Variants in SHISA9 observed in about 807,000 individuals in gnomAD.
SHISA9 encodes the protein protein shisa-9.
In SHISA9, 13 loss-of-function variants were observed where a neutral mutation model predicts 38.0. The observed-to-expected ratio is 0.34, with a 90% CI of 0.22 to 0.54. The LOEUF is 0.54. Among genes scored for constraint, SHISA9 ranks in the 20% least tolerant of loss-of-function variants. The probability of loss-of-function intolerance (pLI) is 0.91; values close to 1 mark genes in which losing one functional copy is unlikely to be tolerated. For missense variants in SHISA9, 538 were observed against 575.8 expected (o/e 0.93, Z 0.67); for synonymous variants, 275 against 242.0 (o/e 1.14, Z -1.27).
chr16:13,379,578 T>A, the SHISA9 span, among the ~76,000 whole-genome samples: 4 of 152,300 alleles, frequency 2.6e-5, no homozygotes, highest in South Asian at 8.3e-4. Context: ...CTATATTTTT[T>A]TAAATGTGAA....
At chr16:12,951,121 T>G (rs2071749297) in intron 2 of SHISA9, among the ~76,000 whole-genome samples, 1 of 141,400 alleles carries the variant, frequency 7.1e-6, no homozygotes, top group South Asian at 2.2e-4. Flanking sequence ...CTTGGGAGAC[T>G]GAGGCAGGAG....
chr16:13,277,980 C>A, the SHISA9 span, among the ~76,000 whole-genome samples: 3 of 151,966 alleles, frequency 2.0e-5, no homozygotes, highest in Non-Finnish European at 4.4e-5. Context: ...GAGTGGGCCT[C>A]CTTGTCTTGT....
the SHISA9 span, among the ~76,000 whole-genome samples, chr16:13,372,023 G>A: frequency 6.6e-6 from 1 of 152,172 alleles, no homozygotes; most frequent in African/African-American, 2.4e-5. Flanking sequence ...AGTTCCTCCA[G>A]AGCTCTTCCA....
At chr16:13,002,763 C>T (rs958541498) in intron 2 of SHISA9, among the ~76,000 whole-genome samples, 5 of 152,056 alleles carry the variant, frequency 3.3e-5, no homozygotes, top group Non-Finnish European at 7.4e-5. Flanking sequence ...GAACTCCCGA[C>T]CTCAGGTGAT....
At chr16:12,970,407 A>ATATGTG (rs1333374020) in intron 2 of SHISA9, among the ~76,000 whole-genome samples, 204 of 14,872 alleles carry the variant, frequency 0.014, 5 homozygotes, top group African/African-American at 0.042. Context: ...ATATATACAT[A>ATATGTG]TATATATATA....
At position 12,915,366 on chromosome 16, in the gene SHISA9, G is replaced by A. The variant is rs566826553; in HGVS notation, c.564-1322G>A. Among the ~76,000 whole-genome samples, 121 of 152,276 alleles carry A rather than the reference G, an allele frequency of 7.9e-4. 1 individual carries two copies. Among genetic ancestry groups the A allele is most frequent in the African/African-American group, 2.8e-3 (116 of 41,540 alleles). On this transcript the variant is annotated intron_variant, in intron 1 of 4. Coordinates refer to ENST00000558583, the MANE Select transcript of SHISA9 (RefSeq NM_001145204.3). ...GCCTGTGGTCCCAGCTATTCAGGAGGCTGAGGAGTTCGAGGCTGCTGTGAG... is the reference window on the plus strand; with the variant it reads ...GCCTGTGGTCCCAGCTATTCAGGAGACTGAGGAGTTCGAGGCTGCTGTGAG...
intron 2 of SHISA9, among the ~76,000 whole-genome samples, chr16:13,114,900 C>CTCCCA (rs1555462900): frequency 2.0e-5 from 3 of 149,672 alleles, no homozygotes; most frequent in Non-Finnish European, 4.4e-5. Flanking sequence ...TTACATCTAA[C>CTCCCA]TCCATCCATC....
At chr16:13,054,341 G>T (rs1316448311) in intron 2 of SHISA9, among the ~76,000 whole-genome samples, 1 of 152,136 alleles carries the variant, frequency 6.6e-6, no homozygotes, top group Non-Finnish European at 1.5e-5. Context: ...GGCGTCTGGT[G>T]CACTGTTGGG....
the SHISA9 span, among the ~76,000 whole-genome samples, chr16:13,476,738 G>GTTTTTTTTTTTTTTTTTTTTTTTT: frequency 1.5e-5 from 1 of 65,228 alleles, no homozygotes; most frequent in African/African-American, 5.5e-5. Flanking sequence ...CCTGTTTTGT[G>GTTTTTTTTTTTTTTTTTTTTTTTT]TTTTTTTTTT....
At chr16:12,998,904 T>G (rs1358439356) in intron 2 of SHISA9, among the ~76,000 whole-genome samples, 1 of 152,186 alleles carries the variant, frequency 6.6e-6, no homozygotes, top group East Asian at 1.9e-4. Context: ...CCACAAACAC[T>G]GAATTAGCAA....
At chr16:13,523,473 G>C in the SHISA9 span, among the ~76,000 whole-genome samples, 2 of 152,194 alleles carry the variant, frequency 1.3e-5, no homozygotes. Flanking sequence ...TATAAGAAGA[G>C]AGACTTAATT....
chr16:13,372,715 C>G, the SHISA9 span, among the ~76,000 whole-genome samples: 1 of 152,142 alleles, frequency 6.6e-6, no homozygotes, highest in African/African-American at 2.4e-5. Flanking sequence ...GTGCAAAGCT[C>G]TATATGAATT....
intron 4 of SHISA9, among the ~76,000 whole-genome samples, chr16:13,220,799 C>G (rs1365584720): frequency 6.6e-6 from 1 of 152,098 alleles, no homozygotes; most frequent in Non-Finnish European, 1.5e-5. Flanking sequence ...ATGAGCCTGT[C>G]CACCGTTGTC....
chr16:13,343,951 A>AATT, the SHISA9 span, among the ~76,000 whole-genome samples: 2 of 152,158 alleles, frequency 1.3e-5, no homozygotes, highest in African/African-American at 4.8e-5. Context: ...ATTTGGATAA[A>AATT]ATTAATCATT....
chr16:13,105,183 A>G (rs58347619), intron 2 of SHISA9, among the ~76,000 whole-genome samples: 2,014 of 152,320 alleles, frequency 0.013, 52 homozygotes, highest in African/African-American at 0.046. Context: ...CTGTGAAGAC[A>G]TTCTTTATAT....
intron 4 of SHISA9, among the ~76,000 whole-genome samples, chr16:13,218,478 G>A (rs2051192203): frequency 6.6e-6 from 1 of 152,166 alleles, no homozygotes. Flanking sequence ...TTTTCTTAGT[G>A]GTGATTTGAG....
chr16:13,466,069 A>G, the SHISA9 span, among the ~76,000 whole-genome samples: 1 of 152,142 alleles, frequency 6.6e-6, no homozygotes, highest in Non-Finnish European at 1.5e-5. Flanking sequence ...ACCATTAACC[A>G]TTACCCCTAG....
intron 2 of SHISA9, among the ~76,000 whole-genome samples, chr16:13,087,454 C>T (rs1450409112): frequency 1.3e-5 from 2 of 152,138 alleles, no homozygotes; most frequent in Non-Finnish European, 2.9e-5. Context: ...AGTGTAAAAG[C>T]ATTCCTGTTT....
At chr16:13,371,509 A>C in the SHISA9 span, among the ~76,000 whole-genome samples, 1 of 152,214 alleles carries the variant, frequency 6.6e-6, no homozygotes, top group Non-Finnish European at 1.5e-5. Context: ...TGATTCCACC[A>C]TAGGAACCAA....
Sources: allele counts gnomAD v4.1 joint callset (sites outside exome capture counted in the v4.1 genomes callset), GRCh38; gene constraint gnomAD v4.1.1; transcripts MANE v1.5; gene names NCBI Gene and HGNC (gene_info 2026-07-23, HGNC 2026-07-21).